PMEPA1: variants seen among roughly 807,000 people sequenced by gnomAD.
PMEPA1 encodes prostate transmembrane protein, androgen induced 1.
A neutral mutation model predicts 23.0 loss-of-function variants in PMEPA1; 11 were observed. The observed-to-expected ratio is 0.48, with a 90% CI of 0.30 to 0.79. The LOEUF is 0.79. Ranked by LOEUF, PMEPA1 falls within the 30% of genes least tolerant of loss-of-function variation. PMEPA1 has a pLI of 0.06. For missense variants in PMEPA1, 377 were observed against 390.9 expected (o/e 0.96, Z 0.30); for synonymous variants, 204 against 166.4 (o/e 1.23, Z -1.74).
intron 1 of PMEPA1, among the ~76,000 whole-genome samples, chr20:57,666,264 C>A (rs1205927303): frequency 6.6e-6 from 1 of 152,088 alleles, no homozygotes; most frequent in Non-Finnish European, 1.5e-5. Context: ...GAGGTGCGGG[C>A]ACAGCTCTGC....
At chr20:57,685,424 C>T (rs157102) in intron 1 of PMEPA1, among the ~76,000 whole-genome samples, 340 of 152,370 alleles carry the variant, frequency 2.2e-3, no homozygotes, top group Non-Finnish European at 3.4e-3. Flanking sequence ...AAATATTCCG[C>T]TGGCGTGCTG....
intron 1 of PMEPA1, among the ~76,000 whole-genome samples, chr20:57,666,115 C>G (rs2071489014): frequency 6.6e-6 from 1 of 152,144 alleles, no homozygotes; most frequent in Non-Finnish European, 1.5e-5. Flanking sequence ...CTTCCAAACA[C>G]AAAATAAGGT....
rs1010855288 is a variant in PMEPA1 at position 57,650,859 on chromosome 20, G to T, written c.*1194C>A. 4.6e-5 allele frequency: 7 copies of T among 152,354 alleles called. No homozygotes were observed. The highest frequency in any genetic ancestry group is 1.7e-4 in the African/African-American group (7 of 41,560). The allele number at this position is 152,354 out of a possible 1,614,324, so 9.4% of individuals were successfully genotyped here. A position where few individuals can be genotyped will look rare whatever the true frequency, so the allele number is the denominator to read the frequency against. ...AATACCTGGGGCTTCCTAGGGTCCA[G>T]TGCGGCAGTTACCGCACCTGCCTTC... On this transcript the variant is annotated 3_prime_UTR_variant, in exon 4 of 4. Coordinates refer to ENST00000341744, the MANE Select transcript of PMEPA1 (RefSeq NM_020182.5).
chr20:57,690,284 C>T (rs2071860423), intron 1 of PMEPA1: 12 of 547,078 alleles, frequency 2.2e-5, no homozygotes, highest in Admixed American at 9.5e-5. Context: ...CACAGACCAC[C>T]CGGGGGGGCC....
At chr20:57,697,140 G>A (rs1452989609) in intron 1 of PMEPA1, among the ~76,000 whole-genome samples, 1 of 152,224 alleles carries the variant, frequency 6.6e-6, no homozygotes, top group African/African-American at 2.4e-5. Context: ...GCAGATGGGA[G>A]TTGGTCCTGG....
chr20:57,656,870 G>A lies in PMEPA1; in HGVS notation c.264+2673C>T, dbSNP rs561280472. On this transcript the variant is annotated intron_variant, in intron 2 of 3. Transcript: ENST00000341744. The surrounding 1 kb of genome is among the most constrained non-coding windows in gnomAD (Gnocchi z 4.7). ...CTGGGGGGATGTAGACTGGGCCCGG[G>A]ACAGATAAGAGCTGTATGTGGATCT... 1.6e-4 allele frequency among the ~76,000 whole-genome samples: 24 copies of A among 152,344 alleles called. No homozygotes were observed. In the East Asian group the frequency reaches 3.3e-3, roughly 21 times the overall value.
rs1055188278 is a variant in PMEPA1, at chr20:57,655,862, C to T, written c.265-2776G>A. Among the ~76,000 whole-genome samples the T allele has an allele frequency of 1.1e-4, 17 of 152,272 alleles. No individual in the cohort carries two copies. Among genetic ancestry groups the T allele is most frequent in the Middle Eastern group, 6.8e-3 (2 of 294 alleles). On this transcript the variant is annotated intron_variant, in intron 2 of 3. Coordinates refer to ENST00000341744, the MANE Select transcript of PMEPA1 (RefSeq NM_020182.5). This position sits in a 1 kb window ranked among gnomAD's most constrained non-coding sequence, Gnocchi z 4.2. ...AAATATTTTCTGGTTTGTGGGCCGG[C>T]GGGTCTCTGTCATACCACTGAACCC...
intron 1 of PMEPA1, among the ~76,000 whole-genome samples, chr20:57,687,826 C>G (rs1412713100): frequency 6.6e-6 from 1 of 152,202 alleles, no homozygotes; most frequent in Admixed American, 6.5e-5. Context: ...TTCTCAACTC[C>G]AAGCTGACCC....
intron 1 of PMEPA1, among the ~76,000 whole-genome samples, chr20:57,669,514 G>A (rs1259899084): frequency 6.6e-6 from 1 of 152,178 alleles, no homozygotes; most frequent in African/African-American, 2.4e-5. Context: ...GCCCCCTGCA[G>A]GTTTGCACAA....
Position 57,704,320 on chromosome 20 carries a change from C to G in PMEPA1, c.109+5154G>C, listed in dbSNP as rs562477372. Among the ~76,000 whole-genome samples the G allele has an allele frequency of 6.6e-6, 1 of 152,228 alleles. No individual in the cohort carries two copies. Among genetic ancestry groups the G allele is most frequent in the South Asian group, 2.1e-4 (1 of 4,826 alleles). ...TGAGTTTGCTTCCCTGAACCATGCT[C>G]CCCCAGCCTCGGGGAGCCCCTGGCA... On this transcript the variant is annotated intron_variant, in intron 1 of 3. Transcript: ENST00000341744. This position sits in a 1 kb window ranked among gnomAD's most constrained non-coding sequence, Gnocchi z 4.6.
At position 57,653,057 on chromosome 20, in the gene PMEPA1, T is replaced by C; in HGVS notation, c.294A>G (p.Thr98=). 1 of 1,594,938 alleles carries C rather than the reference T, an allele frequency of 6.3e-7. No individual in the cohort carries two copies. The highest frequency in any genetic ancestry group is 2.3e-5 in the East Asian group (1 of 44,122). The change falls in exon 3 of 4, where the codon ACA becomes ACG. Residue 98 remains threonine (T), a synonymous_variant. Transcript: ENST00000341744. ...SEGCLWPSES[T]VSGNGIPEPQ... The stretch of plus-strand genomic sequence containing the variant: ...CCTCTGGGATTCCGTTGCCTGACAC[T>C]GTGCTCTCCGAGGGCCACAGGCATC...
At chr20:57,662,629 G>A (rs917326789) in intron 1 of PMEPA1, among the ~76,000 whole-genome samples, 47 of 152,322 alleles carry the variant, frequency 3.1e-4, no homozygotes, top group Admixed American at 2.1e-3. Flanking sequence ...ATTCTGTAGG[G>A]CCCAGGTCCG....
upstream of PMEPA1, chr20:57,710,173 C>T (rs574307721): frequency 9.5e-4 from 523 of 548,680 alleles, 1 homozygote; most frequent in Non-Finnish European, 1.2e-3. Flanking sequence ...CAGAGCTAGG[C>T]GGCCCACGTA....
In PMEPA1 at chr20:57,652,248, C is replaced by A. The variant is rs561316732; in HGVS notation, c.669G>T (p.Gly223=). ...AGGTGGGCGGCGGCCCCTCCATGCG[C>A]CCGCCGCTGCCGTAGCACGTGGCGC... ...GISATCYGSG[G]RMEGPPPTYS... is the part of the protein sequence containing the mutation. Residue 223 remains glycine (G), a synonymous_variant, in exon 4 of 4, where the codon GGG becomes GGT. Coordinates refer to ENST00000341744, the MANE Select transcript of PMEPA1 (RefSeq NM_020182.5). This position sits in a 1 kb window ranked among gnomAD's most constrained non-coding sequence, Gnocchi z 6.1. The A allele has an allele frequency of 3.7e-6, 6 of 1,607,320 alleles. No homozygotes were observed. In the South Asian group the frequency reaches 5.5e-5, roughly 15 times the overall value.
chr20:57,699,992 G>A (rs757048649), intron 1 of PMEPA1: 8 of 470,204 alleles, frequency 1.7e-5, no homozygotes, highest in South Asian at 1.1e-4. Context: ...TTGAAGATAC[G>A]TGGCTCTAAA....
intron 1 of PMEPA1, among the ~76,000 whole-genome samples, chr20:57,671,227 C>T (rs2071563342): frequency 1.3e-5 from 2 of 152,148 alleles, no homozygotes; most frequent in South Asian, 4.1e-4. Flanking sequence ...GAATTATTGG[C>T]AGAACGGAGT....
intron 1 of PMEPA1, among the ~76,000 whole-genome samples, chr20:57,703,117 T>C (rs2146713543): frequency 6.6e-6 from 1 of 152,352 alleles, no homozygotes; most frequent in South Asian, 2.1e-4. Context: ...TGAGGTTGAC[T>C]GTCAGTACTC....
At chr20:57,708,254 G>A (rs1400097881) in intron 1 of PMEPA1, among the ~76,000 whole-genome samples, 2 of 152,322 alleles carry the variant, frequency 1.3e-5, no homozygotes, top group East Asian at 1.9e-4. Context: ...GCCCCCAGCA[G>A]GGAAGGACTG....
At chr20:57,670,908 C>A (rs1457215631) in intron 1 of PMEPA1, among the ~76,000 whole-genome samples, 1 of 151,930 alleles carries the variant, frequency 6.6e-6, no homozygotes, top group African/African-American at 2.4e-5. Context: ...TTCCCCACCG[C>A]CCCCCCAACC....
Sources: gnomAD v4.1 joint callset for allele counts (sites outside exome capture counted in the v4.1 genomes callset) on GRCh38, gnomAD v4.1.1 for gene constraint, Gnocchi (gnomAD v3.1) non-coding constraint, MANE v1.5 for transcripts, NCBI Gene and HGNC (gene_info 2026-07-23, HGNC 2026-07-21) for gene names.